Variants in EFCAB6 observed in about 807,000 individuals in gnomAD.
EFCAB6 encodes the protein EF-hand calcium-binding domain-containing protein 6.
EFCAB6 carries 156 observed loss-of-function variants against 169.8 expected under a neutral mutation model. That is an observed-to-expected ratio of 0.92 (90% CI 0.81 to 1.05). The LOEUF is 1.05. Among genes scored for constraint, EFCAB6 ranks in the 50% least tolerant of loss-of-function variants. The pLI, the probability that EFCAB6 is intolerant of heterozygous loss-of-function variation, is 0.00. For synonymous variants in EFCAB6, 698 were observed against 676.4 expected (o/e 1.03, Z -0.50); for missense variants, 1,800 against 1,829.1 (o/e 0.98, Z 0.29).
At chr22:43,709,542 C>A (rs558195206) in intron 10 of EFCAB6, among the ~76,000 whole-genome samples, 2 of 152,140 alleles carry the variant, frequency 1.3e-5, no homozygotes, top group African/African-American at 2.4e-5. Flanking sequence ...TTTTAAAAAA[C>A]ACAACATAAA....
chr22:43,533,716 C>A (rs1432483457), intron 30 of EFCAB6, among the ~76,000 whole-genome samples: 1 of 152,182 alleles, frequency 6.6e-6, no homozygotes, highest in African/African-American at 2.4e-5. Context: ...TCATGCTGAC[C>A]TGACAACTGC....
intron 3 of EFCAB6, among the ~76,000 whole-genome samples, chr22:43,781,756 A>G (rs1424552411): frequency 6.6e-6 from 1 of 152,072 alleles, no homozygotes; most frequent in Non-Finnish European, 1.5e-5. Flanking sequence ...GATTGTAACA[A>G]ATGTACCACA....
Position 43,613,994 on chromosome 22 carries a change from T to C in EFCAB6, c.2562+1832A>G, listed in dbSNP as rs571407857. Among the ~76,000 whole-genome samples, 3 of 151,908 alleles carry C rather than the reference T, an allele frequency of 2.0e-5. No homozygotes were observed. The East Asian group carries it at 5.8e-4, about 29-fold the overall frequency. ...CTATATAATGAAAACTACAAAACTCTGACGAGAAATGTTTAATGTTTGCAA... is the reference window on the plus strand; with the variant it reads ...CTATATAATGAAAACTACAAAACTCCGACGAGAAATGTTTAATGTTTGCAA... On this transcript the variant is annotated intron_variant, in intron 21 of 31. Transcript: ENST00000262726.
chr22:43,743,976 T>C (rs1279635252), intron 6 of EFCAB6, among the ~76,000 whole-genome samples: 1 of 147,992 alleles, frequency 6.8e-6, no homozygotes, highest in Non-Finnish European at 1.5e-5. Flanking sequence ...GGGTGGATGA[T>C]GGATAGATAG....
chr22:43,595,105 A>G (rs2051897216), intron 23 of EFCAB6, among the ~76,000 whole-genome samples: 1 of 152,118 alleles, frequency 6.6e-6, no homozygotes, highest in Non-Finnish European at 1.5e-5. Flanking sequence ...CATACCAAAA[A>G]TCTATGGGAT....
intron 10 of EFCAB6, among the ~76,000 whole-genome samples, chr22:43,699,671 A>G (rs1396592554): frequency 6.6e-6 from 1 of 152,112 alleles, no homozygotes; most frequent in Non-Finnish European, 1.5e-5. Context: ...CCCTCGCCTA[A>G]CCCATAGCCC....
chr22:43,636,316 C>A (rs926363724), intron 17 of EFCAB6, among the ~76,000 whole-genome samples: 1 of 152,148 alleles, frequency 6.6e-6, no homozygotes, highest in Non-Finnish European at 1.5e-5. Flanking sequence ...CTGCATTCAG[C>A]GGAAGAGGCG....
intron 3 of EFCAB6, among the ~76,000 whole-genome samples, chr22:43,773,608 GA>G (rs1220226734): frequency 6.6e-6 from 1 of 152,248 alleles, no homozygotes; most frequent in Non-Finnish European, 1.5e-5. Flanking sequence ...AGCACTTTGG[GA>G]GGCCGAGGCA....
intron 12 of EFCAB6, among the ~76,000 whole-genome samples, chr22:43,681,770 A>G (rs2058014866): frequency 6.6e-6 from 1 of 152,126 alleles, no homozygotes. Flanking sequence ...ATTCTGTTGG[A>G]CTTTCTATTA....
chr22:43,583,333 GT>G (rs1201852736), intron 24 of EFCAB6, among the ~76,000 whole-genome samples: 2 of 151,260 alleles, frequency 1.3e-5, no homozygotes, highest in African/African-American at 4.9e-5. Context: ...AGATTTCATG[GT>G]TGGGGCATTC....
intron 22 of EFCAB6, among the ~76,000 whole-genome samples, chr22:43,603,171 A>G (rs1407706356): frequency 1.3e-5 from 2 of 152,206 alleles, no homozygotes; most frequent in Non-Finnish European, 2.9e-5. Context: ...CTGAATGAAA[A>G]GGCATTCTTA....
intron 20 of EFCAB6, among the ~76,000 whole-genome samples, chr22:43,618,144 A>AGGAAGGAAGGAG: frequency 1.7e-5 from 1 of 58,242 alleles, no homozygotes; most frequent in Non-Finnish European, 3.3e-5. Context: ...GACAGAGAGG[A>AGGAAGGAAGGAG]GGAAGGAAGG....
intron 17 of EFCAB6, among the ~76,000 whole-genome samples, chr22:43,644,722 T>C (rs2056043317): frequency 6.6e-6 from 1 of 152,208 alleles, no homozygotes; most frequent in Non-Finnish European, 1.5e-5. Flanking sequence ...GATAAGCTGG[T>C]TTGGTTTTTG....
At chr22:43,809,395 A>G in intron 1 of EFCAB6, among the ~76,000 whole-genome samples, 1 of 152,086 alleles carries the variant, frequency 6.6e-6, no homozygotes, top group South Asian at 2.1e-4. Context: ...CTATTTTATC[A>G]CATTGTAGTT....
At chr22:43,581,679 T>C (rs1387860322) in intron 24 of EFCAB6, among the ~76,000 whole-genome samples, 1 of 152,214 alleles carries the variant, frequency 6.6e-6, no homozygotes, top group East Asian at 1.9e-4. Flanking sequence ...GTAGAAGAGC[T>C]TGGAATGCCG....
chr22:43,775,538 G>A (rs2061612302), intron 3 of EFCAB6, among the ~76,000 whole-genome samples: 1 of 152,156 alleles, frequency 6.6e-6, no homozygotes, highest in Non-Finnish European at 1.5e-5. Flanking sequence ...CACCTCCTGG[G>A]TCCAGGCAAT....
chr22:43,601,806 C>T lies in EFCAB6; in HGVS notation c.2682-1543G>A, dbSNP rs1051240421. ...GAGGCTCTCAGGAGTTGGAGGACCA[C>T]CACCCTTCCCAAAGGCCATGTGGGC... On this transcript the variant is annotated intron_variant, in intron 22 of 31. Transcript: ENST00000262726. Among the ~76,000 whole-genome samples, 47 of 152,196 alleles carry T rather than the reference C, an allele frequency of 3.1e-4. 1 individual carries two copies. Among genetic ancestry groups the T allele is most frequent in the Admixed American group, 2.9e-3 (45 of 15,288 alleles).
intron 3 of EFCAB6, among the ~76,000 whole-genome samples, chr22:43,776,458 C>T (rs565542808): frequency 2.0e-5 from 3 of 152,244 alleles, no homozygotes; most frequent in East Asian, 1.9e-4. Flanking sequence ...CACAGTGACA[C>T]GTGCAATGAA....
intron 10 of EFCAB6, among the ~76,000 whole-genome samples, chr22:43,706,021 T>C (rs922290179): frequency 6.6e-6 from 1 of 152,164 alleles, no homozygotes; most frequent in Non-Finnish European, 1.5e-5. Context: ...AGAGGAGATA[T>C]TATAATTGAT....
Sources: gnomAD v4.1 joint callset for allele counts (sites outside exome capture counted in the v4.1 genomes callset) on GRCh38, gnomAD v4.1.1 for gene constraint, MANE v1.5 for transcripts, NCBI Gene and HGNC (gene_info 2026-07-23, HGNC 2026-07-21) for gene names.